The following ROBO2 variants were observed in gnomAD, a reference collection of about 807,000 sequenced individuals.
ROBO2 encodes roundabout homolog 2.
ROBO2 carries 53 observed loss-of-function variants against 160.8 expected under a neutral mutation model. The observed-to-expected ratio is 0.33, with a 90% CI of 0.26 to 0.41. ROBO2 has a LOEUF of 0.41. ROBO2 is among the 10% of genes least tolerant of loss of function. The pLI is 1.00. For synonymous variants in ROBO2, 664 were observed against 611.7 expected (o/e 1.09, Z -1.26); for missense variants, 1,577 against 1,722.4 (o/e 0.92, Z 1.49).
chr3:76,330,034 C>T (rs981300828), intron 2 of ROBO2, among the ~76,000 whole-genome samples: 1 of 152,068 alleles, frequency 6.6e-6, no homozygotes, highest in Non-Finnish European at 1.5e-5. Context: ...TTTGTGTGAA[C>T]ATTTTACTGT....
intron 6 of ROBO2, chr3:77,527,405 C>G: frequency 7.8e-7 from 1 of 1,287,970 alleles, no homozygotes; most frequent in Non-Finnish European, 1.0e-6. Flanking sequence ...GTCTACAGCT[C>G]GCCCTGTTGG....
intron 2 of ROBO2, among the ~76,000 whole-genome samples, chr3:76,248,290 A>G (rs1207802832): frequency 3.9e-5 from 6 of 152,114 alleles, no homozygotes; most frequent in African/African-American, 1.2e-4. Flanking sequence ...GCACACATAC[A>G]TCATGGAATA....
In ROBO2 at chr3:76,686,746, C is replaced by G. The variant is rs1245151372; in HGVS notation, c.110-411268C>G. Among the ~76,000 whole-genome samples the G allele has an allele frequency of 3.3e-5, 5 of 152,004 alleles. No individual in the cohort carries two copies. In the East Asian group the frequency reaches 9.6e-4, roughly 29 times the overall value. Reference sequence around the variant, plus strand: ...CTGAGACTGGAGGATGGCTTGACTTCTGGAGTTCAAGACCAGCCTTGGCAA... The same window carrying G: ...CTGAGACTGGAGGATGGCTTGACTTGTGGAGTTCAAGACCAGCCTTGGCAA... On this transcript the variant is annotated intron_variant, in intron 2 of 26. Coordinates refer to the ROBO2 transcript ENST00000487694.
chr3:76,990,587 C>T (rs1248088561), intron 2 of ROBO2, among the ~76,000 whole-genome samples: 1 of 152,072 alleles, frequency 6.6e-6, no homozygotes, highest in Non-Finnish European at 1.5e-5. Flanking sequence ...TCCCTCTGGC[C>T]CCCCAACACA....
At chr3:76,699,224 TGCTTCTTTTGTTTG>T (rs2092995911) in intron 2 of ROBO2, among the ~76,000 whole-genome samples, 1 of 152,220 alleles carries the variant, frequency 6.6e-6, no homozygotes, top group Admixed American at 6.5e-5. Context: ...GCAGCCATGG[TGCTTCTTTTGTTTG>T]GCTCCTAATC....
At chr3:77,126,714 T>TATATATATATATATA (rs1560065744) in intron 2 of ROBO2, among the ~76,000 whole-genome samples, 17 of 137,700 alleles carry the variant, frequency 1.2e-4, no homozygotes, top group African/African-American at 5.8e-4. Context: ...ATATATATAT[T>TATATATATATATATA]TTTTTTCCTT....
At chr3:77,183,515 A>G (rs2150870995) in intron 2 of ROBO2, among the ~76,000 whole-genome samples, 1 of 152,122 alleles carries the variant, frequency 6.6e-6, no homozygotes, top group Non-Finnish European at 1.5e-5. Flanking sequence ...CAGTGGAAAG[A>G]CCATGTAAGG....
Position 77,040,313 on chromosome 3 carries a change from A to G in ROBO2, c.-473A>G. 3.0e-6 allele frequency: 3 copies of G among 996,660 alleles called. No homozygotes were observed. In the African/African-American group the frequency reaches 5.2e-5, roughly 17 times the overall value. 61.7% of individuals were successfully genotyped at this position (996,660 alleles called of 1,614,324 possible). ...AACTCCGGACGTGGAGCTGCTACGG[A>G]GAAGGAAACCGGGGGAAAGAAAACC... On this transcript the variant is annotated 5_prime_UTR_variant, in exon 1 of 26. Coordinates refer to ENST00000461745, the Ensembl canonical transcript of ROBO2.
intron 2 of ROBO2, among the ~76,000 whole-genome samples, chr3:77,023,045 T>G (rs1440886648): frequency 6.6e-6 from 1 of 152,142 alleles, no homozygotes; most frequent in Non-Finnish European, 1.5e-5. Context: ...TGGACATGGT[T>G]TGGCTGTGTC....
intron 2 of ROBO2, among the ~76,000 whole-genome samples, chr3:76,803,962 T>G (rs1358650265): frequency 6.6e-6 from 1 of 152,228 alleles, no homozygotes; most frequent in Non-Finnish European, 1.5e-5. Context: ...GCAGATTTTC[T>G]GTTCACACTT....
intron 20 of ROBO2, among the ~76,000 whole-genome samples, chr3:77,605,446 G>A (rs1282606889): frequency 1.3e-5 from 2 of 152,036 alleles, no homozygotes; most frequent in Non-Finnish European, 2.9e-5. Context: ...GCTAAAAGAA[G>A]TCAGGTGTGT....
chr3:76,787,919 T>C (rs2063098269), intron 2 of ROBO2, among the ~76,000 whole-genome samples: 1 of 151,450 alleles, frequency 6.6e-6, no homozygotes, highest in Non-Finnish European at 1.5e-5. Context: ...ATTACGTATA[T>C]AGAGCAGAAA....
At chr3:77,025,493 G>A (rs376691155) in intron 2 of ROBO2, among the ~76,000 whole-genome samples, 1 of 152,166 alleles carries the variant, frequency 6.6e-6, no homozygotes, top group Non-Finnish European at 1.5e-5. Context: ...TGGTTAACAT[G>A]ATAACTAACA....
chr3:76,101,792 C>T (rs1293685956), intron 2 of ROBO2, among the ~76,000 whole-genome samples: 3 of 142,760 alleles, frequency 2.1e-5, no homozygotes, highest in Non-Finnish European at 3.0e-5. Context: ...GTGTGATGTT[C>T]CCCTTCCTGT....
At chr3:77,199,462 G>C (rs2082612088) in intron 2 of ROBO2, among the ~76,000 whole-genome samples, 1 of 152,088 alleles carries the variant, frequency 6.6e-6, no homozygotes, top group South Asian at 2.1e-4. Context: ...CATATTCAGA[G>C]AAAAATCATA....
chr3:77,429,513 A>G (rs997287893), intron 2 of ROBO2, among the ~76,000 whole-genome samples: 2 of 152,090 alleles, frequency 1.3e-5, no homozygotes, highest in African/African-American at 4.8e-5. Context: ...AATCTCAGGC[A>G]GTATAGAGAG....
intron 2 of ROBO2, among the ~76,000 whole-genome samples, chr3:77,466,571 C>A (rs1200877437): frequency 6.6e-6 from 1 of 152,064 alleles, no homozygotes; most frequent in Non-Finnish European, 1.5e-5. Flanking sequence ...GTGAAATTAG[C>A]AGAATCAAGT....
At chr3:76,299,048 G>A (rs1406204164) in intron 2 of ROBO2, among the ~76,000 whole-genome samples, 2 of 152,118 alleles carry the variant, frequency 1.3e-5, no homozygotes, top group African/African-American at 4.8e-5. Flanking sequence ...CAGCGTGTTA[G>A]GCCAATATTC....
intron 2 of ROBO2, among the ~76,000 whole-genome samples, chr3:76,488,656 T>G (rs767042748): frequency 1.3e-5 from 2 of 152,106 alleles, no homozygotes; most frequent in African/African-American, 4.8e-5. Flanking sequence ...AATCCTTTTT[T>G]CCATGTGAAA....
Sources: gnomAD v4.1 joint callset for allele counts (sites outside exome capture counted in the v4.1 genomes callset) on GRCh38, gnomAD v4.1.1 for gene constraint, MANE v1.5 for transcripts, NCBI Gene and HGNC (gene_info 2026-07-23, HGNC 2026-07-21) for gene names.